The following CFHR4 variants were observed in gnomAD, a reference collection of about 807,000 sequenced individuals.
CFHR4 encodes complement factor H-related protein 4.
A neutral mutation model predicts 69.3 loss-of-function variants in CFHR4; 64 were observed. That is an observed-to-expected ratio of 0.92 (90% CI 0.76 to 1.14). The LOEUF is 1.14. CFHR4 is among the 50% of genes most tolerant of loss of function. The pLI, the probability that CFHR4 is intolerant of heterozygous loss-of-function variation, is 0.00. For synonymous variants in CFHR4, 244 were observed against 237.0 expected (o/e 1.03, Z -0.27); for missense variants, 636 against 684.9 (o/e 0.93, Z 0.80).
chr1:196,896,445 T>G (rs925960058), intron 1 of CFHR4, among the ~76,000 whole-genome samples: 9 of 151,522 alleles, frequency 5.9e-5, no homozygotes, highest in African/African-American at 2.2e-4. Flanking sequence ...CTTGCAACAA[T>G]GGAGAAAGCC....
intron 1 of CFHR4, among the ~76,000 whole-genome samples, chr1:196,894,333 G>C (rs892142164): frequency 6.6e-6 from 1 of 151,450 alleles, no homozygotes; most frequent in South Asian, 2.1e-4. Context: ...AAAAAATGGA[G>C]ACAAAAACCA....
chr1:196,909,454 G>A (rs1209963637), intron 5 of CFHR4, among the ~76,000 whole-genome samples: 1 of 151,530 alleles, frequency 6.6e-6, no homozygotes, highest in Non-Finnish European at 1.5e-5. Flanking sequence ...AGTATGTAGT[G>A]CTCAAATAAT....
At chr1:196,890,551 A>G (rs1656967164) in intron 1 of CFHR4, among the ~76,000 whole-genome samples, 1 of 151,628 alleles carries the variant, frequency 6.6e-6, no homozygotes, top group South Asian at 2.1e-4. Flanking sequence ...TATTTTAATT[A>G]TGAATATCCT....
intron 1 of CFHR4, among the ~76,000 whole-genome samples, chr1:196,897,221 C>G (rs963474800): frequency 1.3e-5 from 2 of 151,606 alleles, no homozygotes; most frequent in East Asian, 3.9e-4. Flanking sequence ...TTTGTCGCCC[C>G]GCAGCTCAAA....
chr1:196,909,164 C>T (rs1421021849), intron 5 of CFHR4, among the ~76,000 whole-genome samples: 1 of 151,436 alleles, frequency 6.6e-6, no homozygotes, highest in African/African-American at 2.4e-5. Flanking sequence ...AGGAGATGGA[C>T]ACTCCTAAGA....
At position 196,914,531 on chromosome 1, in the gene CFHR4, C is replaced by G. The variant is rs558763168; in HGVS notation, c.1217C>G (p.Ala406Gly). ...CDMPVFENSR[A>G]KSNGMRFKLH... Reference sequence around the variant, plus strand: ...ATGCCTGTTTTTGAGAATTCCAGAGCCAAGAGTAATGGCATGCGGTTTAAG... The same window carrying G: ...ATGCCTGTTTTTGAGAATTCCAGAGGCAAGAGTAATGGCATGCGGTTTAAG... The change falls in exon 8 of 10, where the codon GCC becomes GGC. Residue 406 changes from alanine (A) to glycine (G), a missense_variant. By Grantham distance (60) the Ala-to-Gly change is moderately conservative (BLOSUM62 0). This residue lies in a region of CFHR4 where 529 missense variants were observed against 533.2 expected (regional missense o/e 0.99). Coordinates refer to ENST00000608469, the MANE Select transcript of CFHR4 (RefSeq NM_001201550.3). 2 of 1,606,528 alleles carry G rather than the reference C, an allele frequency of 1.2e-6. No homozygotes were observed. The highest frequency in any genetic ancestry group is 2.7e-5 in the African/African-American group (2 of 73,864).
At position 196,914,486 on chromosome 1, in the gene CFHR4, T is replaced by C. The variant is rs1403095039; in HGVS notation, c.1181-9T>C. On this transcript the variant is annotated splice_polypyrimidine_tract_variant and intron_variant, in intron 7 of 9. Transcript: ENST00000608469. ...TAGAAAAGCAATCCTCAATTTTATT[T>C]TGTTTCAGAATTTTGTGATATGCCT... 6.2e-7 allele frequency: 1 copy of C among 1,603,278 alleles called. No homozygotes were observed.
At chr1:196,907,854 A>G (rs979319297) in intron 5 of CFHR4, among the ~76,000 whole-genome samples, 1 of 151,474 alleles carries the variant, frequency 6.6e-6, no homozygotes, top group African/African-American at 2.4e-5. Flanking sequence ...CAGTTTTCAA[A>G]GAGTTTTGAA....
chr1:196,916,169 C>T (rs538350715), intron 9 of CFHR4, among the ~76,000 whole-genome samples: 1 of 151,380 alleles, frequency 6.6e-6, no homozygotes, highest in East Asian at 1.9e-4. Context: ...ATTTTGTCCC[C>T]CAAGTACTAT....
rs377153948 is a variant in CFHR4 at position 196,918,423 on chromosome 1, T to C, written c.*17T>C. 18 of 1,598,810 alleles carry C rather than the reference T, an allele frequency of 1.1e-5. No homozygotes were observed. In the African/African-American group the frequency reaches 2.2e-4, roughly 19 times the overall value. ...TGCGAATAAGGCAGCATTGTTACCC[T>C]AAATGTATGTCCAACTTCCACTTCT... On this transcript the variant is annotated 3_prime_UTR_variant, in exon 10 of 10. Coordinates refer to ENST00000608469, the MANE Select transcript of CFHR4 (RefSeq NM_001201550.3).
chr1:196,897,712 C>T (rs995911274), intron 1 of CFHR4, among the ~76,000 whole-genome samples: 2 of 151,438 alleles, frequency 1.3e-5, no homozygotes, highest in Admixed American at 1.3e-4. Context: ...TTCTCTGCTG[C>T]CTTGTTCCGC....
In CFHR4 at chr1:196,897,428, G is replaced by A. The variant is rs1657361049; in HGVS notation, c.59-4990G>A. 1.3e-5 allele frequency among the ~76,000 whole-genome samples: 2 copies of A among 151,562 alleles called. 1 individual carries two copies. The highest frequency in any genetic ancestry group is 4.9e-5 in the African/African-American group (2 of 41,064). On this transcript the variant is annotated intron_variant, in intron 1 of 9. Transcript: ENST00000608469. ...CAATGGACCCTCTGCCTTATCTCAA[G>A]AGCCTGGGGCCAGTGTGACAGACTT...
intron 7 of CFHR4, among the ~76,000 whole-genome samples, chr1:196,913,320 G>A (rs1658385993): frequency 1.3e-5 from 2 of 151,572 alleles, no homozygotes; most frequent in African/African-American, 4.9e-5. Flanking sequence ...ACATGTCGGG[G>A]GAGAAATGAG....
At chr1:196,903,585 G>A (rs186912840) in intron 2 of CFHR4, among the ~76,000 whole-genome samples, 3 of 150,928 alleles carry the variant, frequency 2.0e-5, no homozygotes, top group East Asian at 1.9e-4. Flanking sequence ...CCAGGGAGGC[G>A]GAGGTTGCAG....
At chr1:196,910,661 A>C (rs1658211130) in intron 6 of CFHR4, among the ~76,000 whole-genome samples, 183 bp downstream of exon 6, 1 of 151,472 alleles carries the variant, frequency 6.6e-6, no homozygotes, top group Non-Finnish European at 1.5e-5. Context: ...CATGAGAAAT[A>C]AATATAGGAA....
chr1:196,906,627 T>C (rs1017689103), intron 3 of CFHR4, among the ~76,000 whole-genome samples: 1 of 151,464 alleles, frequency 6.6e-6, no homozygotes, highest in Non-Finnish European at 1.5e-5. Flanking sequence ...ATAGTCTTAA[T>C]ATGTTTTTCA....
rs750848746 is a variant in CFHR4 at position 196,896,490 on chromosome 1, C to T, written c.59-5928C>T. ...TGGCCGCCTATCTTTCTGTCTGCAT[C>T]TCTGTGATCAAAGAACCCAGCAATC... On this transcript the variant is annotated intron_variant, in intron 1 of 9. Coordinates refer to ENST00000608469, the MANE Select transcript of CFHR4 (RefSeq NM_001201550.3). 2.0e-5 allele frequency among the ~76,000 whole-genome samples: 3 copies of T among 151,568 alleles called. 1 individual carries two copies. Among genetic ancestry groups the T allele is most frequent in the African/African-American group, 4.9e-5 (2 of 41,062 alleles).
intron 5 of CFHR4, among the ~76,000 whole-genome samples, chr1:196,909,346 G>A (rs1658110790): frequency 6.6e-6 from 1 of 151,390 alleles, no homozygotes. Context: ...GCAACCTTAT[G>A]AAAAATATTA....
intron 1 of CFHR4, among the ~76,000 whole-genome samples, chr1:196,890,241 T>TAC (rs1656950634): frequency 6.6e-6 from 1 of 151,358 alleles, no homozygotes; most frequent in Non-Finnish European, 1.5e-5. Context: ...TGTTTATATA[T>TAC]ACCTGTATTC....
Sources: gnomAD v4.1 joint callset for allele counts (sites outside exome capture counted in the v4.1 genomes callset) on GRCh38, gnomAD v4.1.1 for gene constraint, gnomAD v4.1.1 regional missense constraint, MANE v1.5 for transcripts, NCBI Gene and HGNC (gene_info 2026-07-23, HGNC 2026-07-21) for gene names.